The following PLCH2 variants were observed in gnomAD, a reference collection of about 807,000 sequenced individuals.
The protein encoded by PLCH2 is phospholipase C eta 2.
Under a neutral mutation model 134.7 loss-of-function variants are expected in PLCH2, and 98 were observed. That is an observed-to-expected ratio of 0.73 (90% CI 0.62 to 0.86). The LOEUF is 0.86. Ranked by LOEUF, PLCH2 falls within the 40% of genes least tolerant of loss-of-function variation. PLCH2 has a pLI of 0.00. For synonymous variants in PLCH2, 974 were observed against 827.5 expected (o/e 1.18, Z -3.04); for missense variants, 1,994 against 1,986.6 (o/e 1.00, Z -0.07).
intron 5 of PLCH2, among the ~76,000 whole-genome samples, chr1:2,485,272 C>T (rs190573625): frequency 1.5e-4 from 23 of 152,352 alleles, no homozygotes; most frequent in Non-Finnish European, 2.9e-4. Context: ...AGGGCTCTGG[C>T]CATCTTGTAT....
intron 2 of PLCH2, among the ~76,000 whole-genome samples, chr1:2,441,489 G>A (rs890997507): frequency 3.3e-5 from 5 of 152,138 alleles, no homozygotes; most frequent in Non-Finnish European, 5.9e-5. Flanking sequence ...CCTCCTGCAC[G>A]TTTCTGAGCA....
At chr1:2,453,690 C>T (rs1476347437) in intron 2 of PLCH2, among the ~76,000 whole-genome samples, 2 of 152,232 alleles carry the variant, frequency 1.3e-5, no homozygotes, top group Non-Finnish European at 2.9e-5. Flanking sequence ...GAGGAAAGTG[C>T]ACCCCAGTGC....
the PLCH2 span, among the ~76,000 whole-genome samples, chr1:2,419,521 C>G: frequency 6.6e-6 from 1 of 152,134 alleles, no homozygotes; most frequent in Non-Finnish European, 1.5e-5. Context: ...GAGGCGCCTC[C>G]CATGGCAGTG....
At chr1:2,471,662 G>A (rs969769769), upstream of PLCH2, among the ~76,000 whole-genome samples, 8 of 152,230 alleles carry the variant, frequency 5.3e-5, 1 homozygote, top group Non-Finnish European at 1.0e-4. Flanking sequence ...CCTGCTCTGG[G>A]GCCGGTGGAA....
intron 2 of PLCH2, among the ~76,000 whole-genome samples, chr1:2,453,650 C>A (rs1557962451): frequency 6.6e-6 from 1 of 152,226 alleles, no homozygotes; most frequent in Non-Finnish European, 1.5e-5. Context: ...CCTTCCACCC[C>A]CTGTGGAGCA....
In PLCH2 at chr1:2,505,507, T is replaced by G; in HGVS notation, c.*294T>G. 2.2e-6 allele frequency: 1 copy of G among 453,330 alleles called. No individual in the cohort carries two copies. Among genetic ancestry groups the G allele is most frequent in the Non-Finnish European group, 3.9e-6 (1 of 255,984 alleles). 28.1% of individuals were successfully genotyped at this position (453,330 alleles called of 1,614,324 possible). Reference sequence around the variant, plus strand: ...TTTTAGAAGCAAAACTTATACAACATTAAAATGATACCAAGTCCCTTTCCA... The same window carrying G: ...TTTTAGAAGCAAAACTTATACAACAGTAAAATGATACCAAGTCCCTTTCCA... On this transcript the variant is annotated 3_prime_UTR_variant, in exon 22 of 22. Coordinates refer to ENST00000378486, the MANE Select transcript of PLCH2 (RefSeq NM_014638.4).
chr1:2,478,163 G>A (rs1211519531), intron 1 of PLCH2, among the ~76,000 whole-genome samples: 2 of 152,212 alleles, frequency 1.3e-5, no homozygotes, highest in African/African-American at 2.4e-5. Flanking sequence ...TGGTGGGAGT[G>A]GCAGGTGGCC....
At chr1:2,490,927 C>T (rs550833962) in intron 10 of PLCH2, among the ~76,000 whole-genome samples, 2 of 152,344 alleles carry the variant, frequency 1.3e-5, no homozygotes, top group South Asian at 2.1e-4. Context: ...GACCCTGTGC[C>T]GCCTGCTGGC....
intron 8 of PLCH2, among the ~76,000 whole-genome samples, chr1:2,488,370 G>C (rs1372000922): frequency 2.0e-5 from 3 of 152,188 alleles, no homozygotes; most frequent in African/African-American, 7.2e-5. Flanking sequence ...CCAGGGGCCT[G>C]CTGGGATCTC....
rs185066621 is a variant in PLCH2 at position 2,479,840 on chromosome 1, C to G, written c.378C>G (p.His126Gln). The stretch of plus-strand genomic sequence containing the variant: ...CCAACTGCTGCTTCAGCATCTACCA[C>G]GGCAGCCACCGCGAGTCGCTGGACC... ...FDPNCCFSIYHGSHRESLDLV... is the reference protein window; with the variant it reads ...FDPNCCFSIYQGSHRESLDLV... The change falls in exon 3 of 22, where the codon CAC (histidine) becomes CAG (glutamine). Residue 126 changes from histidine to glutamine, a missense_variant. Transcript: ENST00000378486. The G allele has an allele frequency of 1.2e-6, 2 of 1,609,326 alleles. No individual in the cohort carries two copies. Among genetic ancestry groups the G allele is most frequent in the Admixed American group, 3.4e-5 (2 of 59,574 alleles).
At chr1:2,480,507 T>C (rs1005159586) in intron 4 of PLCH2, among the ~76,000 whole-genome samples, 195 bp downstream of exon 4, 18 of 152,236 alleles carry the variant, frequency 1.2e-4, no homozygotes, top group Admixed American at 2.6e-4. Flanking sequence ...GGCAGGCAGG[T>C]GGGTGCCCAG....
chr1:2,426,766 G>C (rs1006053487), intron 1 of PLCH2, among the ~76,000 whole-genome samples: 1 of 152,226 alleles, frequency 6.6e-6, no homozygotes, highest in African/African-American at 2.4e-5. Context: ...TTGTGGGGTC[G>C]GGGCTGCTGG....
chr1:2,488,037 T>C, intron 8 of PLCH2, among the ~76,000 whole-genome samples: 1 of 152,254 alleles, frequency 6.6e-6, no homozygotes, highest in East Asian at 1.9e-4. Flanking sequence ...CTCAATTGGC[T>C]GTCACTCAGC....
intron 1 of PLCH2, among the ~76,000 whole-genome samples, chr1:2,429,661 A>C (rs1262937587): frequency 6.6e-6 from 1 of 152,158 alleles, no homozygotes; most frequent in East Asian, 1.9e-4. Context: ...AGGGAGACCA[A>C]AGGGGCCTTG....
intron 11 of PLCH2, chr1:2,494,539 G>A (rs1642768405): frequency 2.1e-6 from 1 of 472,896 alleles, no homozygotes; most frequent in Middle Eastern, 5.9e-4. Flanking sequence ...GGGAAAAAAG[G>A]ATTCAGAACT....
intron 1 of PLCH2, among the ~76,000 whole-genome samples, chr1:2,427,830 G>GCCCTCCAT (rs1457304297): frequency 1.3e-5 from 2 of 152,150 alleles, no homozygotes; most frequent in African/African-American, 4.8e-5. Flanking sequence ...GAGCCCTCCA[G>GCCCTCCAT]GGGTGGGAGC....
chr1:2,433,604 A>G (rs1403580800), intron 2 of PLCH2, among the ~76,000 whole-genome samples: 1 of 152,002 alleles, frequency 6.6e-6, no homozygotes, highest in Non-Finnish European at 1.5e-5. Flanking sequence ...TTCAAAGTGC[A>G]CTCAGATCTG....
At chr1:2,454,423 C>T (rs79279677) in intron 2 of PLCH2, among the ~76,000 whole-genome samples, 1,597 of 152,282 alleles carry the variant, frequency 0.01, 27 homozygotes, top group African/African-American at 0.036. Context: ...GGCGGCACCA[C>T]GTGACATGCT....
At chr1:2,458,545 C>T (rs1044841698) in intron 2 of PLCH2, among the ~76,000 whole-genome samples, 6 of 152,134 alleles carry the variant, frequency 3.9e-5, no homozygotes, top group African/African-American at 4.8e-5. Context: ...ACTGGCAGGC[C>T]GGGTGGACCC....
Sources: allele counts gnomAD v4.1 joint callset (sites outside exome capture counted in the v4.1 genomes callset), GRCh38; gene constraint gnomAD v4.1.1; transcripts MANE v1.5; gene names NCBI Gene and HGNC (gene_info 2026-07-23, HGNC 2026-07-21).